The following LPIN2 variants were observed in gnomAD, a reference collection of about 807,000 sequenced individuals.
The protein encoded by LPIN2 is phosphatidate phosphatase LPIN2.
In LPIN2, 55 loss-of-function variants were observed where a neutral mutation model predicts 111.4. The ratio of observed to expected loss-of-function variants is 0.49; its 90% CI spans 0.40 to 0.62. The LOEUF is 0.62. Ranked by LOEUF, LPIN2 falls within the 20% of genes least tolerant of loss-of-function variation. The pLI, the probability that LPIN2 is intolerant of heterozygous loss-of-function variation, is 0.00. For missense variants in LPIN2, 992 were observed against 1,112.1 expected, an observed-to-expected ratio of 0.89 and a Z score of 1.54; for synonymous variants, 425 against 414.0, an observed-to-expected ratio of 1.03 and a Z score of -0.32.
intron 7 of LPIN2, among the ~76,000 whole-genome samples, chr18:2,936,816 G>T (rs867748943): frequency 2.0e-5 from 3 of 152,144 alleles, no homozygotes; most frequent in Non-Finnish European, 4.4e-5. Context: ...CTGAGCTCAA[G>T]TGATCTGTCC....
chr18:2,942,402 A>G (rs1383985770), intron 4 of LPIN2, among the ~76,000 whole-genome samples: 1 of 152,236 alleles, frequency 6.6e-6, no homozygotes, highest in East Asian at 1.9e-4. Context: ...AGGACACATC[A>G]GCTTGACCCA....
intron 1 of LPIN2, among the ~76,000 whole-genome samples, chr18:2,997,202 A>G (rs1598609370): frequency 6.6e-6 from 1 of 152,046 alleles, no homozygotes; most frequent in Non-Finnish European, 1.5e-5. Flanking sequence ...GGCTGGTCTC[A>G]AACTCCTGAC....
In LPIN2 at chr18:2,963,904, T is replaced by C. The variant is rs529798405; in HGVS notation, c.-9-3055A>G. ...AATCACACTGGAAACAACTCTTTTT[T>C]TGAAAGCTCGTAACATCCCAAATTC... On this transcript the variant is annotated intron_variant, in intron 1 of 19. Transcript: ENST00000677752. Among the ~76,000 whole-genome samples the C allele has an allele frequency of 4.6e-5, 7 of 152,100 alleles. No individual in the cohort carries two copies. The East Asian group carries it at 7.7e-4, about 17-fold the overall frequency.
At position 2,924,267 on chromosome 18, in the gene LPIN2, G is replaced by T. The variant is rs2144128423; in HGVS notation, c.2087+131C>A. 5.3e-6 allele frequency: 6 copies of T among 1,127,966 alleles called. No homozygotes were observed. In the South Asian group the frequency reaches 6.3e-5, roughly 12 times the overall value. The allele number at this position is 1,127,966 out of a possible 1,614,324, so 69.9% of individuals were successfully genotyped here. A position where few individuals can be genotyped will look rare whatever the true frequency, so the allele number is the denominator to read the frequency against. ...TGTGGACTGTACTGGGGACGCCTCA[G>T]AGCATATGGCTTATAAAATGCCTTG... On this transcript the variant is annotated intron_variant, in intron 15 of 19. Transcript: ENST00000677752.
chr18:2,964,945 T>A (rs149794329), intron 1 of LPIN2, among the ~76,000 whole-genome samples: 1 of 152,172 alleles, frequency 6.6e-6, no homozygotes, highest in East Asian at 1.9e-4. Context: ...CTGACTCTTA[T>A]GACAATTATT....
At chr18:2,984,164 T>C (rs1005407397) in intron 1 of LPIN2, among the ~76,000 whole-genome samples, 3 of 152,180 alleles carry the variant, frequency 2.0e-5, no homozygotes, top group East Asian at 1.9e-4. Context: ...AAGGTTCATA[T>C]AATAAAAACA....
chr18:2,986,054 A>T (rs911053507), intron 1 of LPIN2, among the ~76,000 whole-genome samples: 3 of 152,342 alleles, frequency 2.0e-5, no homozygotes, highest in Non-Finnish European at 1.5e-5. Context: ...CCTGAAACAA[A>T]TGTTTTCATT....
rs1335153648 is a variant in LPIN2 at position 2,951,470 on chromosome 18, T to C, written c.289-114A>G. 6.8e-6 allele frequency: 6 copies of C among 887,934 alleles called. No homozygotes were observed. In the African/African-American group the frequency reaches 6.8e-5, roughly 10 times the overall value. The allele number at this position is 887,934 out of a possible 1,614,324, so 55.0% of individuals were successfully genotyped here. Reference sequence around the variant, plus strand: ...ATGGTAAAAAAAAAAAAAATACATATTCCCTAAAGGCAAGAAAGTCCCACT... The same window carrying C: ...ATGGTAAAAAAAAAAAAAATACATACTCCCTAAAGGCAAGAAAGTCCCACT... On this transcript the variant is annotated intron_variant, in intron 3 of 19. Coordinates refer to ENST00000677752, the MANE Select transcript of LPIN2 (RefSeq NM_001375808.2).
intron 3 of LPIN2, 70 bp downstream of exon 3, chr18:2,954,434 G>A (rs890772211): frequency 7.6e-6 from 8 of 1,048,092 alleles, no homozygotes; most frequent in Admixed American, 1.7e-5. Flanking sequence ...ACTGCTAAAC[G>A]GTCCGTCTGG....
chr18:2,946,431 C>A (rs372440077), intron 4 of LPIN2: 13 of 1,445,990 alleles, frequency 9.0e-6, no homozygotes, highest in Non-Finnish European at 1.3e-5. Context: ...CCCTTTAATG[C>A]ATCGTGAAAG....
intron 1 of LPIN2, among the ~76,000 whole-genome samples, chr18:2,974,007 T>C (rs898509699): frequency 6.6e-6 from 1 of 152,214 alleles, no homozygotes; most frequent in African/African-American, 2.4e-5. Flanking sequence ...TGAACATAAT[T>C]TCATTTTATT....
chr18:2,926,794 G>A lies in LPIN2; in HGVS notation c.1722C>T (p.Ser574=), dbSNP rs144282017. 162 of 1,613,714 alleles carry A rather than the reference G, an allele frequency of 1.0e-4. 3 individuals carry two copies. In the South Asian group the frequency reaches 1.3e-3, roughly 13 times the overall value. The change falls in exon 13 of 20, where the codon TCC becomes TCT. Residue 574 remains serine (S), a synonymous_variant. Transcript: ENST00000677752. The part of the protein sequence containing the change: ...RESMTKQLPE[S]KEGKSEAPPA... ...GCGGTGCCTCAGATTTTCCCTCCTT[G>A]GATTCTGGCAGCTGTAACAGCAAGA...
chr18:2,925,508 T>C lies in LPIN2; in HGVS notation c.1794-140A>G, dbSNP rs58792754. The C allele has an allele frequency of 5.9e-3, 6,617 of 1,130,576 alleles. 165 individuals are homozygous for C. In the African/African-American group the frequency reaches 0.07, roughly 12 times the overall value. The allele number at this position is 1,130,576 out of a possible 1,614,324, so 70.0% of individuals were successfully genotyped here. On this transcript the variant is annotated intron_variant, in intron 13 of 19. Transcript: ENST00000677752. The surrounding 1 kb of genome is among the most constrained non-coding windows in gnomAD (Gnocchi z 4.1). ...AGTTATCCCTTCTGCCATTCTCCCA[T>C]ATCCACAGCTCTGTACGCCTGAAAT...
At chr18:2,933,835 GTGAGGGAGGC>G (rs1568530015) in intron 8 of LPIN2, among the ~76,000 whole-genome samples, 2 of 152,206 alleles carry the variant, frequency 1.3e-5, no homozygotes, top group South Asian at 4.1e-4. Context: ...GTGCGGGACA[GTGAGGGAGGC>G]TGGGTGGCAG....
At chr18:2,922,229 A>G in intron 16 of LPIN2, 30 bp from the exon 17 acceptor site, 1 of 1,611,704 alleles carries the variant, frequency 6.2e-7, no homozygotes, top group Non-Finnish European at 8.5e-7. Context: ...GTTAGCCCAC[A>G]TGTTCTGGCT....
At chr18:2,976,542 C>T (rs577404084) in intron 1 of LPIN2, among the ~76,000 whole-genome samples, 1 of 152,324 alleles carries the variant, frequency 6.6e-6, no homozygotes, top group Admixed American at 6.5e-5. Flanking sequence ...AATCGTAAGC[C>T]TGTCATTTGT....
intron 1 of LPIN2, among the ~76,000 whole-genome samples, chr18:2,991,838 C>T (rs1216817779): frequency 6.6e-6 from 1 of 152,026 alleles, no homozygotes; most frequent in Non-Finnish European, 1.5e-5. Context: ...GGCGAAACCC[C>T]ATCTCTACTA....
At chr18:2,995,457 G>A (rs561456953) in intron 1 of LPIN2, among the ~76,000 whole-genome samples, 2 of 151,512 alleles carry the variant, frequency 1.3e-5, no homozygotes, top group African/African-American at 4.8e-5. Flanking sequence ...AAACTGTTTA[G>A]TCACATCTAC....
At chr18:3,008,236 G>C (rs894846624) in intron 1 of LPIN2, among the ~76,000 whole-genome samples, 1 of 152,192 alleles carries the variant, frequency 6.6e-6, no homozygotes, top group African/African-American at 2.4e-5. Context: ...GAGTCCAGGA[G>C]TTCGAGACCA....
Sources: gnomAD v4.1 joint callset for allele counts (sites outside exome capture counted in the v4.1 genomes callset) on GRCh38, gnomAD v4.1.1 for gene constraint, Gnocchi (gnomAD v3.1) non-coding constraint, MANE v1.5 for transcripts, NCBI Gene and HGNC (gene_info 2026-07-23, HGNC 2026-07-21) for gene names.